The following LRP1B variants were observed in gnomAD, a reference collection of about 807,000 sequenced individuals.
The protein encoded by LRP1B is LDL receptor related protein 1B, also known as low-density lipoprotein receptor-related protein 1B.
LRP1B carries 217 observed loss-of-function variants against 556.6 expected under a neutral mutation model. That is an observed-to-expected ratio of 0.39 (90% confidence interval 0.35 to 0.44). LRP1B has a LOEUF of 0.44. Among genes scored for constraint, LRP1B ranks in the 20% least tolerant of loss-of-function variants. The pLI is 1.00. For missense variants in LRP1B, 5,053 were observed against 5,620.8 expected (o/e 0.90, Z 3.23); for synonymous variants, 2,047 against 1,865.8 (o/e 1.10, Z -2.50).
chr2:142,003,103 T>TA (rs1215659128), intron 1 of LRP1B, among the ~76,000 whole-genome samples: 3 of 152,252 alleles, frequency 2.0e-5, no homozygotes, highest in African/African-American at 7.2e-5. Flanking sequence ...AAACAGGTTT[T>TA]ATAACTCTCT....
chr2:140,517,337 C>CT (rs1689950165), intron 49 of LRP1B, among the ~76,000 whole-genome samples: 1 of 152,026 alleles, frequency 6.6e-6, no homozygotes, highest in Non-Finnish European at 1.5e-5. Context: ...AAAATAGATA[C>CT]GACTCTAAAT....
intron 32 of LRP1B, among the ~76,000 whole-genome samples, chr2:140,780,487 C>T (rs1229363258): frequency 1.3e-5 from 2 of 152,166 alleles, no homozygotes; most frequent in African/African-American, 4.8e-5. Context: ...GAGGCTAAGA[C>T]TATAACACTG....
intron 1 of LRP1B, among the ~76,000 whole-genome samples, chr2:141,858,710 T>C (rs1245165822): frequency 2.0e-5 from 3 of 152,172 alleles, no homozygotes; most frequent in East Asian, 3.9e-4. Context: ...TAATGAATTA[T>C]GCACCAGTAA....
chr2:141,427,098 C>G (rs1680395017), intron 3 of LRP1B, among the ~76,000 whole-genome samples: 1 of 152,082 alleles, frequency 6.6e-6, no homozygotes, highest in African/African-American at 2.4e-5. Flanking sequence ...TTGTTCAACT[C>G]CCACTTATGA....
chr2:141,897,735 T>C (rs751287758), intron 1 of LRP1B, among the ~76,000 whole-genome samples: 2 of 152,166 alleles, frequency 1.3e-5, no homozygotes, highest in Non-Finnish European at 2.9e-5. Flanking sequence ...CTGCTCAAAA[T>C]ACTCAGTTTT....
At chr2:140,418,882 G>A (rs940798889) in intron 66 of LRP1B, among the ~76,000 whole-genome samples, 11 of 152,104 alleles carry the variant, frequency 7.2e-5, no homozygotes, top group Middle Eastern at 3.4e-3. Context: ...ACTGGTCTCC[G>A]GTGCCGAAAA....
intron 20 of LRP1B, among the ~76,000 whole-genome samples, chr2:140,937,043 T>C (rs1221674151): frequency 2.0e-5 from 3 of 152,140 alleles, no homozygotes; most frequent in Non-Finnish European, 4.4e-5. Flanking sequence ...TAGAGTGTTA[T>C]AACTTTAGGA....
At chr2:142,120,746 A>T (rs1707429229) in intron 1 of LRP1B, among the ~76,000 whole-genome samples, 1 of 152,208 alleles carries the variant, frequency 6.6e-6, no homozygotes, top group African/African-American at 2.4e-5. Flanking sequence ...TAAGTGTATC[A>T]TTTTAACTAA....
chr2:142,119,664 CCTTT>C (rs1328348463), intron 1 of LRP1B, among the ~76,000 whole-genome samples: 2 of 152,030 alleles, frequency 1.3e-5, no homozygotes, highest in South Asian at 2.1e-4. Flanking sequence ...ATAGTGTATT[CCTTT>C]CTCTTTTTTT....
chr2:141,195,282 A>G (rs1681704473), intron 6 of LRP1B, among the ~76,000 whole-genome samples: 1 of 152,034 alleles, frequency 6.6e-6, no homozygotes, highest in South Asian at 2.1e-4. Context: ...GCCAGCAGCC[A>G]CAAGAGTGAG....
At chr2:140,285,713 G>C (rs979420100) in intron 84 of LRP1B, among the ~76,000 whole-genome samples, 6 of 151,694 alleles carry the variant, frequency 4.0e-5, no homozygotes, top group African/African-American at 1.2e-4. Flanking sequence ...CCTTTAACAA[G>C]ATTAGAAATA....
intron 1 of LRP1B, among the ~76,000 whole-genome samples, chr2:142,090,758 A>C (rs536687772): frequency 6.6e-6 from 1 of 152,214 alleles, no homozygotes; most frequent in South Asian, 2.1e-4. Flanking sequence ...CCTCTAGGGG[A>C]AATTTCATCT....
chr2:141,280,326 T>C (rs1382067257), intron 3 of LRP1B, among the ~76,000 whole-genome samples: 1 of 152,102 alleles, frequency 6.6e-6, no homozygotes, highest in East Asian at 1.9e-4. Context: ...AAGGTGAAAA[T>C]TGATATTTCT....
intron 7 of LRP1B, among the ~76,000 whole-genome samples, chr2:141,073,515 T>G (rs1699701320): frequency 6.6e-6 from 1 of 152,122 alleles, no homozygotes; most frequent in Admixed American, 6.6e-5. Context: ...TAGACAATCT[T>G]GAATGTTCCC....
rs1686343483 is a variant in LRP1B, at chr2:140,439,775, CATA to C, written c.10414+2726_10414+2728del. Among the ~76,000 whole-genome samples the C allele has an allele frequency of 1.3e-5, 2 of 151,646 alleles. 1 individual carries two copies. The highest frequency in any genetic ancestry group is 4.2e-4 in the South Asian group (2 of 4,816). ...ATTAGAGATTAGTATATAATTTTTCCATAGATTGAATATTCGTTGTCAAAATTG... is the reference window on the plus strand; with the variant it reads ...ATTAGAGATTAGTATATAATTTTTCCGATTGAATATTCGTTGTCAAAATTG... On this transcript the variant is annotated intron_variant, in intron 66 of 90. Coordinates refer to ENST00000389484, the MANE Select transcript of LRP1B (RefSeq NM_018557.3).
At chr2:141,630,965 A>G (rs1337608366) in intron 2 of LRP1B, among the ~76,000 whole-genome samples, 2 of 152,176 alleles carry the variant, frequency 1.3e-5, no homozygotes, top group Admixed American at 6.6e-5. Context: ...GCTCACTAGT[A>G]TATTGTAATC....
intron 43 of LRP1B, among the ~76,000 whole-genome samples, chr2:140,595,087 A>AATATATATATATAT (rs60138085): frequency 1.0e-5 from 1 of 99,676 alleles, no homozygotes; most frequent in Non-Finnish European, 2.1e-5. Context: ...ATATAAATTG[A>AATATATATATATAT]ATATATATAT....
intron 84 of LRP1B, among the ~76,000 whole-genome samples, chr2:140,283,547 T>C (rs1202113324): frequency 9.7e-6 from 1 of 102,640 alleles, no homozygotes; most frequent in Non-Finnish European, 2.7e-5. Flanking sequence ...AAGAATAAAA[T>C]CATCTTGATC....
chr2:141,587,532 A>C, intron 2 of LRP1B, among the ~76,000 whole-genome samples: 1 of 152,206 alleles, frequency 6.6e-6, no homozygotes, highest in East Asian at 1.9e-4. Flanking sequence ...TTCTCAATAA[A>C]TATCAATATC....
Sources: gnomAD v4.1 joint callset for allele counts (sites outside exome capture counted in the v4.1 genomes callset) on GRCh38, gnomAD v4.1.1 for gene constraint, MANE v1.5 for transcripts, NCBI Gene and HGNC (gene_info 2026-07-23, HGNC 2026-07-21) for gene names.